Variants in GPATCH2 observed in about 807,000 individuals in gnomAD.
The protein encoded by GPATCH2 is G patch domain-containing protein 2.
GPATCH2 carries 51 observed loss-of-function variants against 58.0 expected under a neutral mutation model. The ratio of observed to expected loss-of-function variants is 0.88; its 90% CI spans 0.70 to 1.11. The LOEUF is 1.11. GPATCH2 is among the 50% of genes most tolerant of loss of function. GPATCH2 has a pLI of 0.00. For missense variants in GPATCH2, 625 were observed against 652.2 expected (o/e 0.96, Z 0.45); for synonymous variants, 222 against 218.5 (o/e 1.02, Z -0.14).
At chr1:217,435,060 G>A (rs1658747622) in intron 9 of GPATCH2, among the ~76,000 whole-genome samples, 2 of 152,184 alleles carry the variant, frequency 1.3e-5, no homozygotes, top group Non-Finnish European at 2.9e-5. Context: ...ATTCTAGAGT[G>A]AAATCTACTG....
intron 6 of GPATCH2, among the ~76,000 whole-genome samples, chr1:217,504,715 G>T (rs1371607670): frequency 1.3e-5 from 2 of 152,186 alleles, no homozygotes; most frequent in East Asian, 1.9e-4. Context: ...TCCATATCTT[G>T]TATTTTTAAC....
chr1:217,607,336 C>T lies in GPATCH2; in HGVS notation c.1098+2985G>A, dbSNP rs74711034. Among the ~76,000 whole-genome samples the T allele has an allele frequency of 5.0e-3, 764 of 152,090 alleles. 8 individuals are homozygous for T. Among genetic ancestry groups the T allele is most frequent in the African/African-American group, 0.018 (748 of 41,482 alleles). On this transcript the variant is annotated intron_variant, in intron 5 of 9. Coordinates refer to ENST00000366935, the MANE Select transcript of GPATCH2 (RefSeq NM_018040.5). ...AACTATCATACTGTAAACATATGTC[C>T]CTTTTGTAGTCTAAATTAGTACCAG... is the stretch of plus-strand genomic sequence containing the variant.
chr1:217,514,832 G>A lies in GPATCH2; in HGVS notation c.1156C>T (p.His386Tyr), dbSNP rs1162731318. The A allele has an allele frequency of 6.7e-7, 1 of 1,483,706 alleles. No individual in the cohort carries two copies. The highest frequency in any genetic ancestry group is 1.4e-5 in the African/African-American group (1 of 72,574). 91.9% of individuals were successfully genotyped at this position (1,483,706 alleles called of 1,614,324 possible). ...KRMVHFSPDS[H>Y]HHDHWFSPGA... ...ACACTGAGTACTCACTCATGGTGAT[G>A]AGAATCCGGGGAAAAATGAACCATT... Residue 386 changes from histidine (H) to tyrosine (Y), a missense_variant, in exon 6 of 10, where the codon CAT (histidine) becomes TAT (tyrosine). Physicochemically the swap from His to Tyr is moderately conservative, Grantham distance 83. Coordinates refer to ENST00000366935, the MANE Select transcript of GPATCH2 (RefSeq NM_018040.5).
At chr1:217,440,737 T>C (rs537665361) in intron 9 of GPATCH2, among the ~76,000 whole-genome samples, 3 of 152,300 alleles carry the variant, frequency 2.0e-5, no homozygotes, top group Admixed American at 6.5e-5. Flanking sequence ...AGCCAAATCA[T>C]GAGTGAACTC....
rs1473249110 is a variant in GPATCH2 at position 217,428,992 on chromosome 1, A to C, written c.*2153T>G. ...GGTGAAAAAGAACAGCCAAGTCCTCAGGAGTGTGGAACCAGGCTAACAATG... is the reference window on the plus strand; with the variant it reads ...GGTGAAAAAGAACAGCCAAGTCCTCCGGAGTGTGGAACCAGGCTAACAATG... On this transcript the variant is annotated 3_prime_UTR_variant, in exon 10 of 10. Coordinates refer to ENST00000366935, the MANE Select transcript of GPATCH2 (RefSeq NM_018040.5). 1 of 152,192 alleles carries C rather than the reference A, an allele frequency of 6.6e-6. No homozygotes were observed. The highest frequency in any genetic ancestry group is 1.5e-5 in the Non-Finnish European group (1 of 68,044). The allele number at this position is 152,192 out of a possible 1,614,324, so 9.4% of individuals were successfully genotyped here.
At chr1:217,550,848 T>C (rs1665322037) in intron 5 of GPATCH2, among the ~76,000 whole-genome samples, 1 of 150,840 alleles carries the variant, frequency 6.6e-6, no homozygotes, top group Non-Finnish European at 1.5e-5. Context: ...TGTAATTATA[T>C]ACTATTATAA....
At chr1:217,490,344 C>T (rs900868170) in intron 8 of GPATCH2, among the ~76,000 whole-genome samples, 2 of 152,102 alleles carry the variant, frequency 1.3e-5, no homozygotes, top group African/African-American at 4.8e-5. Flanking sequence ...GTGTGGATTT[C>T]GTTTTATTTA....
Position 217,589,396 on chromosome 1 carries a change from T to C in GPATCH2, c.1098+20925A>G, listed in dbSNP as rs1054711805. ...ACCCTGCTATTCTTCACCTGGATAA[T>C]GACTACTACTTTTCCAAGACTGCTC... On this transcript the variant is annotated intron_variant, in intron 5 of 9. Transcript: ENST00000366935. 2.6e-5 allele frequency among the ~76,000 whole-genome samples: 4 copies of C among 152,252 alleles called. No individual in the cohort carries two copies. In the South Asian group the frequency reaches 8.3e-4, roughly 32 times the overall value.
intron 5 of GPATCH2, among the ~76,000 whole-genome samples, chr1:217,551,412 C>A (rs1438617865): frequency 6.6e-6 from 1 of 152,072 alleles, no homozygotes; most frequent in Non-Finnish European, 1.5e-5. Context: ...TAACAAAGAC[C>A]TACAGAATCA....
chr1:217,626,267 G>C (rs147055734), intron 1 of GPATCH2, among the ~76,000 whole-genome samples: 1,874 of 152,248 alleles, frequency 0.012, 32 homozygotes, highest in Middle Eastern at 0.054. Flanking sequence ...TAAAAATTCA[G>C]TGTGTACAAA....
At position 217,602,650 on chromosome 1, in the gene GPATCH2, G is replaced by T. The variant is rs138719945; in HGVS notation, c.1098+7671C>A. 4.8e-3 allele frequency among the ~76,000 whole-genome samples: 724 copies of T among 152,254 alleles called. 5 individuals carry two copies. Among genetic ancestry groups the T allele is most frequent in the Non-Finnish European group, 8.0e-3 (547 of 68,022 alleles). ...ACAGAGCAAGCAAGCAGACCAGAAGGTGCTAGAATTAGATCAGCAAAAAGG... is the reference window on the plus strand; with the variant it reads ...ACAGAGCAAGCAAGCAGACCAGAAGTTGCTAGAATTAGATCAGCAAAAAGG... On this transcript the variant is annotated intron_variant, in intron 5 of 9. Coordinates refer to ENST00000366935, the MANE Select transcript of GPATCH2 (RefSeq NM_018040.5).
chr1:217,452,973 A>G (rs991754818), intron 8 of GPATCH2, among the ~76,000 whole-genome samples: 3 of 151,810 alleles, frequency 2.0e-5, no homozygotes, highest in Non-Finnish European at 4.4e-5. Context: ...CTTGCCCCAC[A>G]CCCCCCTTCT....
chr1:217,585,874 G>C (rs1667316313), intron 5 of GPATCH2, among the ~76,000 whole-genome samples: 1 of 152,082 alleles, frequency 6.6e-6, no homozygotes, highest in Admixed American at 6.6e-5. Flanking sequence ...ATATGGTATA[G>C]CCTATTGCTT....
At chr1:217,574,867 CA>C (rs1248756466) in intron 5 of GPATCH2, among the ~76,000 whole-genome samples, 2 of 152,246 alleles carry the variant, frequency 1.3e-5, no homozygotes, top group Non-Finnish European at 1.5e-5. Context: ...GGCAGAAAGG[CA>C]AAATTTGAGA....
intron 5 of GPATCH2, among the ~76,000 whole-genome samples, chr1:217,581,723 C>T (rs896526164): frequency 3.3e-5 from 5 of 152,084 alleles, no homozygotes; most frequent in Admixed American, 2.6e-4. Flanking sequence ...GAGGCTGAGG[C>T]GGGCAGATCA....
chr1:217,513,272 C>T (rs557144890), intron 6 of GPATCH2, among the ~76,000 whole-genome samples: 4 of 151,348 alleles, frequency 2.6e-5, no homozygotes, highest in African/African-American at 9.7e-5. Context: ...GCCTGGGTGA[C>T]AAGAGGGAGA....
intron 7 of GPATCH2, among the ~76,000 whole-genome samples, chr1:217,493,807 A>C (rs1661867693): frequency 6.6e-6 from 1 of 152,158 alleles, no homozygotes; most frequent in Non-Finnish European, 1.5e-5. Context: ...AGATGATGAA[A>C]TCTCTACCTC....
At chr1:217,531,952 GT>G (rs1014233193) in intron 5 of GPATCH2, among the ~76,000 whole-genome samples, 1 of 152,150 alleles carries the variant, frequency 6.6e-6, no homozygotes, top group Non-Finnish European at 1.5e-5. Context: ...TTCTTGAATT[GT>G]TTCACAGTAT....
rs184172336 is a variant in GPATCH2, at chr1:217,543,548, C to T, written c.1099-28659G>A. ...CCTCCCAAAGTGTTGGGATTACAGG[C>T]GTGAGCCACCACACCTGGCCAGGAA... On this transcript the variant is annotated intron_variant, in intron 5 of 9. Coordinates refer to ENST00000366935, the MANE Select transcript of GPATCH2 (RefSeq NM_018040.5). 4.5e-3 allele frequency among the ~76,000 whole-genome samples: 688 copies of T among 152,172 alleles called. 10 individuals are homozygous for T. The highest frequency in any genetic ancestry group is 0.015 in the African/African-American group (637 of 41,506).
Sources: allele counts gnomAD v4.1 joint callset (sites outside exome capture counted in the v4.1 genomes callset), GRCh38; gene constraint gnomAD v4.1.1; transcripts MANE v1.5; gene names NCBI Gene and HGNC (gene_info 2026-07-23, HGNC 2026-07-21).